MISP: variants seen among roughly 807,000 people sequenced by gnomAD.
MISP encodes the protein mitotic spindle positioning.
A neutral mutation model predicts 49.3 loss-of-function variants in MISP; 51 were observed. That is an observed-to-expected ratio of 1.03 (90% CI 0.83 to 1.31). The LOEUF is 1.31. Ranked by LOEUF, MISP falls within the 50% of genes most tolerant of loss-of-function variation. MISP has a pLI of 0.00. For synonymous variants in MISP, 444 were observed against 392.6 expected, an observed-to-expected ratio of 1.13 and a Z score of -1.55; for missense variants, 1,084 against 935.1, an observed-to-expected ratio of 1.16 and a Z score of -2.08.
At chr19:763,468 T>A in intron 4 of MISP, 33 bp from the exon 5 acceptor site, 1 of 1,536,338 alleles carries the variant, frequency 6.5e-7, no homozygotes, top group Non-Finnish European at 9.0e-7. Context: ...TGGTAGGACC[T>A]GGATCGGGGG....
In MISP at chr19:757,845, C is replaced by T; in HGVS notation, c.899C>T (p.Ala300Val). Reference protein sequence around the residue: ...ETPIEREIRLAQEREADLREQ... With the variant: ...ETPIEREIRLVQEREADLREQ... ...CCCATCGAGCGGGAGATCCGTCTGG[C>T]TCAGGAGCGTGAGGCAGACCTGCGA... The change falls in exon 2 of 5, where the codon GCT becomes GTT. Residue 300 changes from alanine to valine, a missense_variant. By Grantham distance (64) the Ala-to-Val change is moderately conservative. Transcript: ENST00000215582. 6.2e-7 allele frequency: 1 copy of T among 1,611,842 alleles called. No individual in the cohort carries two copies. Among genetic ancestry groups the T allele is most frequent in the Non-Finnish European group, 8.5e-7 (1 of 1,179,524 alleles).
upstream of MISP, among the ~76,000 whole-genome samples, chr19:749,759 G>A (rs1330724932): frequency 6.6e-6 from 1 of 152,146 alleles, no homozygotes; most frequent in African/African-American, 2.4e-5. Flanking sequence ...GAACAGGGGA[G>A]GTTGCCGTGA....
chr19:758,678 C>T lies in MISP; in HGVS notation c.1732C>T (p.Pro578Ser), dbSNP rs1286320995. The T allele has an allele frequency of 1.2e-6, 2 of 1,614,062 alleles. No individual in the cohort carries two copies. Among genetic ancestry groups the T allele is most frequent in the Non-Finnish European group, 8.5e-7 (1 of 1,180,032 alleles). ...CTTCCCAGAGGTCTTCTCCCCAACGCCAGATGAGAACTCTGACCAGAACTC... is the reference window on the plus strand; with the variant it reads ...CTTCCCAGAGGTCTTCTCCCCAACGTCAGATGAGAACTCTGACCAGAACTC... ...ALFPEVFSPTPDENSDQNSRS... is the reference protein window; with the variant it reads ...ALFPEVFSPTSDENSDQNSRS... The change falls in exon 2 of 5, where the codon CCA becomes TCA. Residue 578 changes from proline to serine, a missense_variant. Transcript: ENST00000215582.
chr19:753,376 T>C (rs1034825711), intron 1 of MISP, among the ~76,000 whole-genome samples: 2 of 150,640 alleles, frequency 1.3e-5, no homozygotes, highest in East Asian at 1.9e-4. Flanking sequence ...TTTTTCTTTT[T>C]TTTTCTTTTT....
intron 3 of MISP, 28 bp downstream of exon 3, chr19:760,067 G>A (rs1268211739): frequency 1.2e-6 from 2 of 1,612,314 alleles, no homozygotes; most frequent in Non-Finnish European, 1.7e-6. Flanking sequence ...CTCTGCAGAG[G>A]CCAGGCTGAG....
chr19:756,374 C>A (rs1296879528), intron 1 of MISP, among the ~76,000 whole-genome samples: 1 of 152,140 alleles, frequency 6.6e-6, no homozygotes, highest in Non-Finnish European at 1.5e-5. Flanking sequence ...GGTCACTTAC[C>A]CATCTTTGAA....
upstream of MISP, among the ~76,000 whole-genome samples, chr19:749,962 GC>G (rs1214688334): frequency 6.6e-6 from 1 of 152,162 alleles, no homozygotes; most frequent in Non-Finnish European, 1.5e-5. Context: ...TCAGGACAGA[GC>G]CCCAGCCTGG....
At chr19:755,052 TTTGGGGTAGAAGAGGAGGGCCTGGC>T (rs1184561506) in intron 1 of MISP, among the ~76,000 whole-genome samples, 4 of 150,002 alleles carry the variant, frequency 2.7e-5, no homozygotes, top group African/African-American at 9.9e-5. Context: ...GAGGGTCTGG[TTTGGGGTAGAAGAGGAGGGCCTGGC>T]TTGGGGTGGA....
At chr19:760,298 C>A in intron 3 of MISP, 1 of 389,096 alleles carries the variant, frequency 2.6e-6, no homozygotes, top group South Asian at 3.5e-5. Flanking sequence ...GATCAAAGAC[C>A]AAAGGACCAA....
At position 759,769 on chromosome 19, in the gene MISP, G is replaced by A. The variant is rs545570176; in HGVS notation, c.1781-140G>A. On this transcript the variant is annotated intron_variant, in intron 2 of 4. Coordinates refer to ENST00000215582, the MANE Select transcript of MISP (RefSeq NM_173481.4). ...CAGTTTCTCCTGACTGGCTACTTTG[G>A]TCAATCTGTCAGTTTCCCGGATAGT... 5.3e-6 allele frequency: 5 copies of A among 944,584 alleles called. No individual in the cohort carries two copies. The South Asian group carries it at 8.5e-5, about 16-fold the overall frequency. 58.5% of individuals were successfully genotyped at this position (944,584 alleles called of 1,614,324 possible). A position where few individuals can be genotyped will look rare whatever the true frequency, so the allele number is the denominator to read the frequency against.
At chr19:750,160 C>CTGGG (rs1599177450), upstream of MISP, among the ~76,000 whole-genome samples, 1 of 150,070 alleles carries the variant, frequency 6.7e-6, no homozygotes, top group Non-Finnish European at 1.5e-5. Flanking sequence ...TCGGGGTGGC[C>CTGGG]TGGGTCTTTT....
upstream of MISP, among the ~76,000 whole-genome samples, chr19:749,656 C>G (rs2033429085): frequency 6.6e-6 from 1 of 152,176 alleles, no homozygotes; most frequent in African/African-American, 2.4e-5. Context: ...CGTGGCAAAA[C>G]CCTGTCTCTA....
chr19:760,364 C>CTTTTTTTT (rs34363064), intron 3 of MISP: 1 of 128,788 alleles, frequency 7.8e-6, no homozygotes, highest in African/African-American at 3.3e-5. Context: ...GCATTAGTTT[C>CTTTTTTTT]TTTTTTTTTT....
In MISP at chr19:759,915, C is replaced by A; in HGVS notation, c.1787C>A (p.Thr596Lys). 6.2e-7 allele frequency: 1 copy of A among 1,614,034 alleles called. No homozygotes were observed. Among genetic ancestry groups the A allele is most frequent in the Non-Finnish European group, 8.5e-7 (1 of 1,179,932 alleles). The change falls in exon 3 of 5, where the codon ACG becomes AAG. Residue 596 changes from threonine (T) to lysine (K), a missense_variant. Thr to Lys is a moderately conservative substitution (Grantham distance 78). Coordinates refer to ENST00000215582, the MANE Select transcript of MISP (RefSeq NM_173481.4). ...CCTCCCTGCTCCCCTACAGGCATCA[C>A]GGGCAGTTACTCGGTGTCTGAGTCT... ...SRSSSQASGI[T>K]GSYSVSESPF...
Position 757,465 on chromosome 19 carries a change from C to T in MISP, c.519C>T (p.Pro173=), listed in dbSNP as rs78823735. Residue 173 remains proline (P), a synonymous_variant, in exon 2 of 5, where the codon CCC becomes CCT. Transcript: ENST00000215582. ...GTPDHGDPRT[P]GPPRSTPLEE... ...CTGACCACGGAGACCCCAGGACCCC[C>T]GGCCCACCTCGGTCCACGCCCCTGG... 6.6e-4 allele frequency: 1,054 copies of T among 1,592,952 alleles called. 9 individuals are homozygous for T. In the East Asian group the frequency reaches 0.02, roughly 30 times the overall value.
intron 3 of MISP, 84 bp from the exon 4 acceptor site, chr19:761,541 G>A (rs891090052): frequency 6.7e-7 from 1 of 1,501,144 alleles, no homozygotes; most frequent in Admixed American, 1.7e-5. Flanking sequence ...AATGGTGACA[G>A]AGAGGGCTGT....
chr19:756,579 C>T (rs2033552494), intron 1 of MISP, among the ~76,000 whole-genome samples: 1 of 152,216 alleles, frequency 6.6e-6, no homozygotes, highest in Admixed American at 6.5e-5. Context: ...ACTTACCTAT[C>T]CCTTAGCCAA....
At position 757,169 on chromosome 19, in the gene MISP, G is replaced by T; in HGVS notation, c.223G>T (p.Gly75Cys). The change falls in exon 2 of 5, where the codon GGC becomes TGC. Residue 75 changes from glycine to cysteine, a missense_variant. By Grantham distance (159) the Gly-to-Cys change is radical. Transcript: ENST00000215582. ...GVSYSVHAYTGQPSPRGLHSE... is the reference protein window; with the variant it reads ...GVSYSVHAYTCQPSPRGLHSE... ...GTCCTACAGCGTGCATGCCTACACT[G>T]GCCAGCCGTCCCCACGGGGGCTCCA... The T allele has an allele frequency of 6.2e-7, 1 of 1,613,462 alleles. No individual in the cohort carries two copies.
chr19:757,196 T>G lies in MISP; in HGVS notation c.250T>G (p.Ser84Ala), dbSNP rs1449701267. 6.2e-7 allele frequency: 1 copy of G among 1,613,470 alleles called. No individual in the cohort carries two copies. The highest frequency in any genetic ancestry group is 8.5e-7 in the Non-Finnish European group (1 of 1,179,956). Reference sequence around the variant, plus strand: ...CCAGCCGTCCCCACGGGGGCTCCACTCGGAGAACAGGGAGGATGAGGGTTG... The same window carrying G: ...CCAGCCGTCCCCACGGGGGCTCCACGCGGAGAACAGGGAGGATGAGGGTTG... Reference protein sequence around the residue: ...TGQPSPRGLHSENREDEGWQV... With the variant: ...TGQPSPRGLHAENREDEGWQV... The change falls in exon 2 of 5, where the codon TCG becomes GCG. Residue 84 changes from serine (S) to alanine (A), a missense_variant. Ser to Ala is a moderately conservative substitution (Grantham distance 99). Coordinates refer to ENST00000215582, the MANE Select transcript of MISP (RefSeq NM_173481.4).
Sources: allele counts gnomAD v4.1 joint callset (sites outside exome capture counted in the v4.1 genomes callset), GRCh38; gene constraint gnomAD v4.1.1; transcripts MANE v1.5; gene names NCBI Gene and HGNC (gene_info 2026-07-23, HGNC 2026-07-21).